The following TAOK1 variants were observed in gnomAD, a reference collection of about 807,000 sequenced individuals.
The protein encoded by TAOK1 is serine/threonine-protein kinase TAO1.
A neutral mutation model predicts 138.3 loss-of-function variants in TAOK1; 21 were observed. The ratio of observed to expected loss-of-function variants is 0.15; its 90% CI spans 0.11 to 0.22. The LOEUF is 0.22. TAOK1 is among the 10% of genes least tolerant of loss of function. The pLI, the probability that TAOK1 is intolerant of heterozygous loss-of-function variation, is 1.00. For synonymous variants in TAOK1, 361 were observed against 398.4 expected (o/e 0.91, Z 1.12); for missense variants, 651 against 1,227.7 (o/e 0.53, Z 7.02).
intron 14 of TAOK1, among the ~76,000 whole-genome samples, chr17:29,509,871 T>G (rs1396499535): frequency 6.6e-6 from 1 of 151,404 alleles, no homozygotes; most frequent in Admixed American, 6.6e-5. Context: ...CCAGCCTGGG[T>G]GACAGAGTGA....
intron 12 of TAOK1, among the ~76,000 whole-genome samples, chr17:29,499,841 G>A (rs372836663): frequency 4.6e-5 from 7 of 152,252 alleles, no homozygotes; most frequent in East Asian, 1.9e-4. Flanking sequence ...GATTACAGGC[G>A]TGAGCCACTG....
Position 29,399,896 on chromosome 17 carries a change from A to T in TAOK1, c.-95+8872A>T, listed in dbSNP as rs572406681. On this transcript the variant is annotated intron_variant, in intron 1 of 19. Transcript: ENST00000261716. ...AGGCGTGCACCACCACACCTGGCTA[A>T]TTTTTTTTTATTTTTAGTACAGACG... Among the ~76,000 whole-genome samples, 20 of 150,816 alleles carry T rather than the reference A, an allele frequency of 1.3e-4. 1 individual carries two copies. The South Asian group carries it at 4.0e-3, about 30-fold the overall frequency.
intron 13 of TAOK1, among the ~76,000 whole-genome samples, 181 bp from the exon 14 acceptor site, chr17:29,507,705 TTTTATATCCC>T (rs2031651906): frequency 6.6e-6 from 1 of 152,208 alleles, no homozygotes; most frequent in South Asian, 2.1e-4. Context: ...TTCTAGGTTC[TTTTATATCCC>T]CATATAAATT....
chr17:29,498,823 G>A (rs976657182), intron 12 of TAOK1, among the ~76,000 whole-genome samples: 2 of 152,110 alleles, frequency 1.3e-5, no homozygotes, highest in African/African-American at 4.8e-5. Flanking sequence ...CTACTTGGGA[G>A]GTTGAGGTGG....
chr17:29,440,400 C>G (rs1266092711), intron 1 of TAOK1, among the ~76,000 whole-genome samples: 1 of 152,016 alleles, frequency 6.6e-6, no homozygotes, highest in Non-Finnish European at 1.5e-5. Context: ...TTGTAGTCTG[C>G]TCCACAACCC....
chr17:29,507,128 G>A (rs1373725729), intron 13 of TAOK1, among the ~76,000 whole-genome samples: 1 of 152,066 alleles, frequency 6.6e-6, no homozygotes, highest in Admixed American at 6.6e-5. Flanking sequence ...TTTCTTCTGA[G>A]GTGATAAACA....
chr17:29,454,771 G>A (rs1038329596), intron 2 of TAOK1, among the ~76,000 whole-genome samples: 7 of 151,348 alleles, frequency 4.6e-5, no homozygotes, highest in African/African-American at 7.3e-5. Flanking sequence ...GTGCGATCTC[G>A]GCTCACTGCA....
intron 11 of TAOK1, 139 bp downstream of exon 11, chr17:29,495,866 C>T: frequency 2.8e-6 from 2 of 702,956 alleles, no homozygotes; most frequent in South Asian, 5.7e-5. Context: ...TATAAAATCC[C>T]AGTTAGGAAT....
At position 29,550,864 on chromosome 17, in the gene TAOK1, TCTTC is replaced by T. The variant is rs975539698; in HGVS notation, c.*7846_*7849del. 1 of 152,628 alleles carries T rather than the reference TCTTC, an allele frequency of 6.6e-6. No individual in the cohort carries two copies. The highest frequency in any genetic ancestry group is 2.4e-5 in the African/African-American group (1 of 41,458). The allele number at this position is 152,628 out of a possible 1,614,324, so 9.5% of individuals were successfully genotyped here. On this transcript the variant is annotated 3_prime_UTR_variant, in exon 20 of 20. Transcript: ENST00000261716. ...TTTCTCTGGATTTTCTTCACTTCCCTCTTCCTTTCTACTAACTCCTTCCTTAAAG... is the reference window on the plus strand; with the variant it reads ...TTTCTCTGGATTTTCTTCACTTCCCTCTTTCTACTAACTCCTTCCTTAAAG...
intron 1 of TAOK1, among the ~76,000 whole-genome samples, chr17:29,394,652 GT>G (rs1002458824): frequency 6.6e-6 from 1 of 152,098 alleles, no homozygotes; most frequent in Non-Finnish European, 1.5e-5. Flanking sequence ...TTGTATCTCT[GT>G]TTTGTTTTCA....
At chr17:29,534,656 G>A (rs1165299188) in intron 19 of TAOK1, among the ~76,000 whole-genome samples, 2 of 152,170 alleles carry the variant, frequency 1.3e-5, no homozygotes, top group Non-Finnish European at 2.9e-5. Flanking sequence ...GACTTAACTA[G>A]TGAAGAAAGA....
chr17:29,475,937 G>A lies in TAOK1; in HGVS notation c.306+166G>A, dbSNP rs551836273. ...ATTTCCTAGAACTTGTAGGCAGTAA[G>A]AGATAATAGAACTTTTGCAAGTCTC... On this transcript the variant is annotated intron_variant, in intron 4 of 19. Transcript: ENST00000261716. Among the ~76,000 whole-genome samples, 5 of 152,364 alleles carry A rather than the reference G, an allele frequency of 3.3e-5. No homozygotes were observed. In the South Asian group the frequency reaches 1.0e-3, roughly 32 times the overall value.
intron 1 of TAOK1, among the ~76,000 whole-genome samples, chr17:29,411,558 ATT>A (rs953956539): frequency 1.4e-5 from 2 of 145,014 alleles, no homozygotes; most frequent in Non-Finnish European, 3.0e-5. Context: ...TGCCTGGCTA[ATT>A]TTTTTTTTTT....
chr17:29,408,605 A>G (rs1198342059), intron 1 of TAOK1, among the ~76,000 whole-genome samples: 3 of 152,252 alleles, frequency 2.0e-5, no homozygotes, highest in South Asian at 2.1e-4. Context: ...GGCTGTAACA[A>G]TCACTTTAAT....
At chr17:29,406,231 G>A (rs145923748) in intron 1 of TAOK1, among the ~76,000 whole-genome samples, 91 of 152,132 alleles carry the variant, frequency 6.0e-4, no homozygotes, top group African/African-American at 2.0e-3. Flanking sequence ...AATGTTTCAG[G>A]TATTACCAAA....
At chr17:29,461,922 GA>G (rs2030540813) in intron 2 of TAOK1, among the ~76,000 whole-genome samples, 1 of 152,088 alleles carries the variant, frequency 6.6e-6, no homozygotes, top group African/African-American at 2.4e-5. Context: ...TGTAGATGAG[GA>G]AAGTTTGAAT....
chr17:29,415,670 TC>T (rs1433805626), intron 1 of TAOK1, among the ~76,000 whole-genome samples: 1 of 152,224 alleles, frequency 6.6e-6, no homozygotes, highest in East Asian at 1.9e-4. Context: ...CTTCTAATTC[TC>T]AAAGAGGTCT....
intron 1 of TAOK1, among the ~76,000 whole-genome samples, chr17:29,433,467 A>AAATC (rs36042210): frequency 0.62 from 93,314 of 150,606 alleles, 30,108 homozygotes; most frequent in East Asian, 0.97. Context: ...TTCACTCTAG[A>AAATC]AACTAAGGCA....
chr17:29,523,384 TTTTG>T (rs781341426), intron 17 of TAOK1, among the ~76,000 whole-genome samples: 45 of 152,158 alleles, frequency 3.0e-4, no homozygotes, highest in Admixed American at 1.6e-3. Flanking sequence ...ATTCTGAAGT[TTTTG>T]TTTGTTTGTT....
Sources: allele counts gnomAD v4.1 joint callset (sites outside exome capture counted in the v4.1 genomes callset), GRCh38; gene constraint gnomAD v4.1.1; transcripts MANE v1.5; gene names NCBI Gene and HGNC (gene_info 2026-07-23, HGNC 2026-07-21).